The following CDC42SE2 variants were observed in gnomAD, a reference collection of about 807,000 sequenced individuals.
The protein encoded by CDC42SE2 is CDC42 small effector 2, also known as CDC42 small effector protein 2.
A neutral mutation model predicts 11.5 loss-of-function variants in CDC42SE2; 3 were observed. The observed-to-expected ratio is 0.26, with a 90% CI of 0.12 to 0.67. CDC42SE2 has a LOEUF of 0.67. Ranked by LOEUF, CDC42SE2 falls within the 30% of genes least tolerant of loss-of-function variation. The pLI, the probability that CDC42SE2 is intolerant of heterozygous loss-of-function variation, is 0.80. For missense variants in CDC42SE2, 82 were observed against 106.8 expected, an observed-to-expected ratio of 0.77 and a Z score of 1.02; for synonymous variants, 33 against 34.8, an observed-to-expected ratio of 0.95 and a Z score of 0.18.
In CDC42SE2 at chr5:131,385,636, A is replaced by T. The variant is rs1197056662; in HGVS notation, c.148A>T (p.Met50Leu). The T allele has an allele frequency of 1.9e-6, 3 of 1,601,244 alleles. No homozygotes were observed. The highest frequency in any genetic ancestry group is 2.6e-6 in the Non-Finnish European group (3 of 1,169,028). The change falls in exon 4 of 5, where the codon ATG becomes TTG. Residue 50 changes from methionine (M) to leucine (L), a missense_variant. By Grantham distance (15) the Met-to-Leu change is conservative. Transcript: ENST00000505065. Reference protein sequence around the residue: ...HVGSGDLFSGMNSVSSIQNQM... With the variant: ...HVGSGDLFSGLNSVSSIQNQM... Reference sequence around the variant, plus strand: ...TGGATCAGGAGACCTGTTCAGTGGAATGAATTCAGTAAGTATGTTGGTGGG... The same window carrying T: ...TGGATCAGGAGACCTGTTCAGTGGATTGAATTCAGTAAGTATGTTGGTGGG...
intron 3 of CDC42SE2, among the ~76,000 whole-genome samples, chr5:131,365,682 A>C (rs1200721454): frequency 6.6e-6 from 1 of 152,182 alleles, no homozygotes; most frequent in Admixed American, 6.5e-5. Context: ...TAATAAAAGA[A>C]GAAAATTAGC....
intron 1 of CDC42SE2, among the ~76,000 whole-genome samples, chr5:131,272,186 T>C (rs940861200): frequency 1.3e-5 from 2 of 149,268 alleles, no homozygotes; most frequent in Non-Finnish European, 3.0e-5. Flanking sequence ...GATTTTTGTA[T>C]TTTTTTTTAA....
intron 3 of CDC42SE2, among the ~76,000 whole-genome samples, chr5:131,360,016 G>C (rs1749663433): frequency 6.6e-6 from 1 of 152,114 alleles, no homozygotes; most frequent in Non-Finnish European, 1.5e-5. Context: ...AAGTCATATA[G>C]CTTGTCAGTG....
At position 131,357,871 on chromosome 5, in the gene CDC42SE2, C is replaced by T. The variant is rs149928941; in HGVS notation, c.-285-1338C>T. Among the ~76,000 whole-genome samples the T allele has an allele frequency of 4.2e-3, 638 of 152,310 alleles. 4 individuals carry two copies. Among genetic ancestry groups the T allele is most frequent in the African/African-American group, 0.013 (547 of 41,568 alleles). Reference sequence around the variant, plus strand: ...ACTTTACTGAAACTGCTGTTGCCAGCGCCACACTGTGTTTGCTGCACAGTC... The same window carrying T: ...ACTTTACTGAAACTGCTGTTGCCAGTGCCACACTGTGTTTGCTGCACAGTC... On this transcript the variant is annotated intron_variant, in intron 2 of 4. Transcript: ENST00000505065.
intron 3 of CDC42SE2, among the ~76,000 whole-genome samples, chr5:131,371,938 A>G (rs542039342): frequency 1.3e-5 from 2 of 152,336 alleles, no homozygotes; most frequent in African/African-American, 4.8e-5. Context: ...GCTTTCATAT[A>G]TATTAACTTA....
chr5:131,263,728 G>GGCT (rs1580718184), upstream of CDC42SE2: 1 of 152,162 alleles, frequency 6.6e-6, no homozygotes, highest in East Asian at 1.9e-4. Flanking sequence ...GGTGGGAAGG[G>GGCT]GCTCCCCCAC....
the CDC42SE2 span, among the ~76,000 whole-genome samples, chr5:131,210,527 A>G: frequency 0.025 from 3,834 of 152,334 alleles, 163 homozygotes; most frequent in African/African-American, 0.088. Flanking sequence ...CCTGAATAAT[A>G]GTTTGGTATA....
the CDC42SE2 span, among the ~76,000 whole-genome samples, chr5:131,222,707 G>A: frequency 1.8e-4 from 28 of 152,202 alleles, no homozygotes; most frequent in African/African-American, 6.8e-4. Flanking sequence ...TTATGCAGTT[G>A]TTTTATCTCA....
intron 1 of CDC42SE2, among the ~76,000 whole-genome samples, chr5:131,282,979 G>A (rs1389011048): frequency 2.0e-5 from 3 of 146,428 alleles, no homozygotes; most frequent in Non-Finnish European, 4.5e-5. Flanking sequence ...CCAGGCTGGA[G>A]TGCAGTGGTG....
chr5:131,246,694 G>A (rs962071523), intron 1 of CDC42SE2, among the ~76,000 whole-genome samples: 1 of 151,536 alleles, frequency 6.6e-6, no homozygotes, highest in African/African-American at 2.4e-5. Flanking sequence ...ATGTTTGTGA[G>A]GACACCAATT....
chr5:131,343,916 ACT>A (rs1331006842), intron 2 of CDC42SE2, among the ~76,000 whole-genome samples: 1 of 152,092 alleles, frequency 6.6e-6, no homozygotes, highest in Non-Finnish European at 1.5e-5. Context: ...TATATTGCAC[ACT>A]CTTTCATGTT....
chr5:131,249,014 CT>C (rs35929101), intron 1 of CDC42SE2, among the ~76,000 whole-genome samples: 3,038 of 116,036 alleles, frequency 0.026, 30 homozygotes, highest in Non-Finnish European at 0.039. Context: ...CAGGTTACAT[CT>C]TTTTTTTTTT....
chr5:131,384,796 G>C (rs562307623), intron 3 of CDC42SE2, among the ~76,000 whole-genome samples: 154 of 151,440 alleles, frequency 1.0e-3, no homozygotes, highest in Non-Finnish European at 1.0e-3. Flanking sequence ...AAATTAGGAA[G>C]AGTCAGCCAG....
intron 2 of CDC42SE2, among the ~76,000 whole-genome samples, chr5:131,323,011 G>C (rs1414139680): frequency 6.6e-6 from 1 of 151,864 alleles, no homozygotes; most frequent in African/African-American, 2.4e-5. Context: ...AGGGGTGTGA[G>C]GTGATCCCAA....
At chr5:131,245,444 CAAG>C (rs1171657185), upstream of CDC42SE2, 3 of 151,792 alleles carry the variant, frequency 2.0e-5, no homozygotes, top group Non-Finnish European at 1.5e-5. Flanking sequence ...TGTGTCATAC[CAAG>C]AAGAAGAAAA....
chr5:131,350,637 G>GTGTA (rs147203202), intron 2 of CDC42SE2, among the ~76,000 whole-genome samples: 10,715 of 147,456 alleles, frequency 0.073, 632 homozygotes, highest in African/African-American at 0.16. Context: ...GTGTGTGTGT[G>GTGTA]TATATATATA....
chr5:131,348,581 G>T (rs985605191), intron 2 of CDC42SE2, among the ~76,000 whole-genome samples: 3 of 152,150 alleles, frequency 2.0e-5, no homozygotes, highest in African/African-American at 7.2e-5. Context: ...GTAATGTATA[G>T]ATTCAATGCC....
rs1275577674 is a variant in CDC42SE2, at chr5:131,312,252, T to G, written c.-454-3724T>G. Among the ~76,000 whole-genome samples the G allele has an allele frequency of 3.3e-5, 5 of 152,000 alleles. No homozygotes were observed. In the East Asian group the frequency reaches 5.8e-4, roughly 18 times the overall value. On this transcript the variant is annotated intron_variant, in intron 1 of 4. Transcript: ENST00000505065. ...CTGGGGGGTGCCTCCCAGTTAGGCT[T>G]CTCGGGGGTTAGGGGTCAGGGACCC... is the stretch of plus-strand genomic sequence containing the variant.
intron 1 of CDC42SE2, among the ~76,000 whole-genome samples, chr5:131,291,556 G>A (rs1481149962): frequency 1.3e-5 from 2 of 151,968 alleles, no homozygotes; most frequent in African/African-American, 4.8e-5. Flanking sequence ...ATATTATAGA[G>A]TCCAGCATGC....
Sources: gnomAD v4.1 joint callset for allele counts (sites outside exome capture counted in the v4.1 genomes callset) on GRCh38, gnomAD v4.1.1 for gene constraint, MANE v1.5 for transcripts, NCBI Gene and HGNC (gene_info 2026-07-23, HGNC 2026-07-21) for gene names.